ZBTB7C: variants seen among roughly 807,000 people sequenced by gnomAD.
ZBTB7C encodes zinc finger and BTB domain-containing protein 7C.
A neutral mutation model predicts 25.7 loss-of-function variants in ZBTB7C; 8 were observed. The ratio of observed to expected loss-of-function variants is 0.31; its 90% confidence interval spans 0.18 to 0.56. The LOEUF (loss-of-function observed/expected upper bound fraction) is 0.56. Ranked by LOEUF, ZBTB7C falls within the 20% of genes least tolerant of loss-of-function variation. The probability of loss-of-function intolerance (pLI) is 0.91; values close to 1 mark genes in which losing one functional copy is unlikely to be tolerated. For synonymous variants in ZBTB7C, 394 were observed against 369.0 expected, an observed-to-expected ratio of 1.07 and a Z score of -0.78; for missense variants, 824 against 855.2, an observed-to-expected ratio of 0.96 and a Z score of 0.46.
chr18:48,286,104 C>T (rs976622939), intron 2 of ZBTB7C, among the ~76,000 whole-genome samples: 2 of 152,280 alleles, frequency 1.3e-5, no homozygotes, highest in South Asian at 2.1e-4. Flanking sequence ...TATGCTCAGA[C>T]TTTTAGTCCC....
intron 3 of ZBTB7C, among the ~76,000 whole-genome samples, chr18:48,042,952 A>AGAT (rs2036314936): frequency 6.6e-6 from 1 of 152,252 alleles, no homozygotes; most frequent in African/African-American, 2.4e-5. Flanking sequence ...CAGAGTATAC[A>AGAT]GATGGCAGAT....
At chr18:48,185,705 G>A (rs941096518) in intron 3 of ZBTB7C, among the ~76,000 whole-genome samples, 1 of 152,144 alleles carries the variant, frequency 6.6e-6, no homozygotes, top group Admixed American at 6.5e-5. Flanking sequence ...TCATGAGCCA[G>A]TGGGAACATT....
chr18:48,167,931 A>G (rs555351729), intron 3 of ZBTB7C, among the ~76,000 whole-genome samples: 9 of 152,258 alleles, frequency 5.9e-5, no homozygotes, highest in Non-Finnish European at 1.3e-4. Flanking sequence ...GCCTGCCCAC[A>G]TAAAACAGCT....
At chr18:48,409,540 G>A (rs1034720192), upstream of ZBTB7C, 1 of 148,474 alleles carries the variant, frequency 6.7e-6, no homozygotes, top group Non-Finnish European at 1.5e-5. Flanking sequence ...AGGGCTAAAG[G>A]GCCCGGATGT....
chr18:48,245,092 GTA>G (rs1397704476), intron 2 of ZBTB7C, among the ~76,000 whole-genome samples: 2 of 126,294 alleles, frequency 1.6e-5, no homozygotes, highest in African/African-American at 6.4e-5. Context: ...GTGTGTGTGT[GTA>G]TATATATATA....
At chr18:48,211,391 A>C (rs1392796071) in intron 2 of ZBTB7C, among the ~76,000 whole-genome samples, 1 of 152,158 alleles carries the variant, frequency 6.6e-6, no homozygotes, top group Non-Finnish European at 1.5e-5. Flanking sequence ...ACGTCAAGAG[A>C]ATAAGAAGAC....
intron 3 of ZBTB7C, among the ~76,000 whole-genome samples, chr18:48,136,360 C>A (rs1252378575): frequency 1.3e-5 from 2 of 152,174 alleles, no homozygotes; most frequent in Non-Finnish European, 1.5e-5. Flanking sequence ...AGGGAAGAGC[C>A]CCCCACCCAC....
intron 3 of ZBTB7C, among the ~76,000 whole-genome samples, chr18:48,116,315 G>A (rs774611077): frequency 1.3e-5 from 2 of 152,178 alleles, no homozygotes; most frequent in African/African-American, 2.4e-5. Context: ...TTGGACTCCA[G>A]TCACTAATAC....
At chr18:48,189,995 C>G (rs1306443210) in intron 2 of ZBTB7C, among the ~76,000 whole-genome samples, 1 of 152,162 alleles carries the variant, frequency 6.6e-6, no homozygotes, top group Admixed American at 6.5e-5. Context: ...TGGAGGGGCT[C>G]TGGCTCCTGC....
chr18:48,223,759 A>G (rs1043360414), intron 2 of ZBTB7C, among the ~76,000 whole-genome samples: 1 of 152,204 alleles, frequency 6.6e-6, no homozygotes, highest in Non-Finnish European at 1.5e-5. Context: ...AAATGGGAGA[A>G]CTGCCAGCCC....
intron 2 of ZBTB7C, among the ~76,000 whole-genome samples, chr18:48,321,792 C>T (rs899531915): frequency 5.3e-5 from 8 of 152,156 alleles, no homozygotes; most frequent in Admixed American, 2.6e-4. Context: ...GTGCAGGCTG[C>T]GTGCCGATCC....
intron 2 of ZBTB7C, chr18:48,252,982 CATACAT>C (rs1203037730): frequency 1.3e-5 from 2 of 152,180 alleles, no homozygotes; most frequent in Non-Finnish European, 2.9e-5. Context: ...TAGAGGAAGA[CATACAT>C]ATACAAAGTC....
Position 48,041,111 on chromosome 18 carries a change from C to G in ZBTB7C, c.-4G>C. 2 of 1,590,432 alleles carry G rather than the reference C, an allele frequency of 1.3e-6. No homozygotes were observed. Among genetic ancestry groups the G allele is most frequent in the Non-Finnish European group, 1.7e-6 (2 of 1,165,638 alleles). On this transcript the variant is annotated 5_prime_UTR_variant, in exon 4 of 5. Transcript: ENST00000590800. ...GCTCATCAATGTCATTGGCCATGTT[C>G]TCAGCCAGAGCCCTGCAGAGACACA...
chr18:48,338,910 T>G (rs1009708430), intron 1 of ZBTB7C, among the ~76,000 whole-genome samples: 7 of 119,500 alleles, frequency 5.9e-5, no homozygotes, highest in Non-Finnish European at 1.2e-4. Context: ...CTGTAGTTTG[T>G]TGGGGGGGGG....
intron 1 of ZBTB7C, among the ~76,000 whole-genome samples, chr18:48,407,507 G>T (rs540714532): frequency 5.9e-5 from 9 of 152,312 alleles, no homozygotes; most frequent in African/African-American, 2.2e-4. Flanking sequence ...TGGGCTTGGG[G>T]TGTGGGGGTG....
intron 2 of ZBTB7C, among the ~76,000 whole-genome samples, chr18:48,221,955 GTCCCAGTCTCCTTTATACTA>G (rs1227651848): frequency 1.4e-5 from 2 of 141,296 alleles, no homozygotes; most frequent in South Asian, 2.2e-4. Flanking sequence ...CCTCTATACT[GTCCCAGTCTCCTTTATACTA>G]TCCCAGTCTC....
At position 48,324,823 on chromosome 18, in the gene ZBTB7C, C is replaced by T. The variant is rs116412717; in HGVS notation, c.-79+13351G>A. The stretch of plus-strand genomic sequence containing the variant: ...TGGCAGGAAACGCCGGGGGACCTGT[C>T]TGGGCTGGTCCAGGGAAGGGGGTGG... On this transcript the variant is annotated intron_variant, in intron 2 of 4. Transcript: ENST00000590800. Among the ~76,000 whole-genome samples, 823 of 152,244 alleles carry T rather than the reference C, an allele frequency of 5.4e-3. 5 individuals are homozygous for T. Among genetic ancestry groups the T allele is most frequent in the African/African-American group, 0.019 (794 of 41,544 alleles).
At chr18:48,298,436 C>G (rs1330973329) in intron 2 of ZBTB7C, among the ~76,000 whole-genome samples, 1 of 152,158 alleles carries the variant, frequency 6.6e-6, no homozygotes, top group Non-Finnish European at 1.5e-5. Context: ...TGGAGGCCAT[C>G]TAGTGCTATA....
chr18:48,327,935 G>T (rs890861386), intron 2 of ZBTB7C, among the ~76,000 whole-genome samples: 2 of 152,056 alleles, frequency 1.3e-5, no homozygotes, highest in Non-Finnish European at 2.9e-5. Context: ...GAGGCCGGGC[G>T]TAGTGACTCA....
Sources: gnomAD v4.1 joint callset for allele counts (sites outside exome capture counted in the v4.1 genomes callset) on GRCh38, gnomAD v4.1.1 for gene constraint, MANE v1.5 for transcripts, NCBI Gene and HGNC (gene_info 2026-07-23, HGNC 2026-07-21) for gene names.